FHIT: variants seen among roughly 807,000 people sequenced by gnomAD.
The protein encoded by FHIT is bis(5'-adenosyl)-triphosphatase.
FHIT carries 19 observed loss-of-function variants against 17.9 expected under a neutral mutation model. The ratio of observed to expected loss-of-function variants is 1.06; its 90% confidence interval spans 0.74 to 1.56. The LOEUF (loss-of-function observed/expected upper bound fraction) is 1.56. FHIT is among the 40% of genes most tolerant of loss of function. FHIT has a pLI of 0.00. For missense variants in FHIT, 248 were observed against 189.2 expected (o/e 1.31, Z -1.82); for synonymous variants, 81 against 69.7 (o/e 1.16, Z -0.81).
intron 5 of FHIT, among the ~76,000 whole-genome samples, chr3:60,296,367 C>T (rs1470031744): frequency 5.3e-5 from 8 of 152,094 alleles, no homozygotes; most frequent in African/African-American, 1.7e-4. Context: ...ACTTGTCACT[C>T]TCATAGATGT....
chr3:60,013,855 G>C, intron 6 of FHIT, 152 bp downstream of exon 6: 1 of 738,384 alleles, frequency 1.4e-6, no homozygotes, highest in Non-Finnish European at 2.2e-6. Context: ...ATGGACAGTA[G>C]GGTTGCCCTG....
At chr3:60,990,705 G>A (rs1011774097) in intron 3 of FHIT, among the ~76,000 whole-genome samples, 1 of 152,190 alleles carries the variant, frequency 6.6e-6, no homozygotes, top group Non-Finnish European at 1.5e-5. Context: ...CAATTCCCGC[G>A]ATTGCGAGCA....
At chr3:60,252,759 G>A (rs1221767675) in intron 5 of FHIT, among the ~76,000 whole-genome samples, 1 of 152,016 alleles carries the variant, frequency 6.6e-6, no homozygotes, top group Non-Finnish European at 1.5e-5. Flanking sequence ...GGGAGGCCGA[G>A]GCCGGTGGAT....
intron 5 of FHIT, among the ~76,000 whole-genome samples, chr3:60,520,245 T>C (rs961593106): frequency 2.6e-5 from 4 of 152,178 alleles, no homozygotes. Context: ...AGCTAGTTTT[T>C]TTTCAAATTG....
chr3:60,722,914 G>T (rs943754297), intron 4 of FHIT, among the ~76,000 whole-genome samples: 2 of 152,018 alleles, frequency 1.3e-5, no homozygotes, highest in Non-Finnish European at 2.9e-5. Context: ...AGTAGAGACT[G>T]GGTTTCACCA....
chr3:60,047,272 C>G (rs1412707261), intron 5 of FHIT, among the ~76,000 whole-genome samples: 1 of 152,172 alleles, frequency 6.6e-6, no homozygotes, highest in African/African-American at 2.4e-5. Flanking sequence ...AATGCTGGTT[C>G]TTTCTGAGGT....
chr3:60,122,524 G>C (rs1705307539), intron 5 of FHIT, among the ~76,000 whole-genome samples: 1 of 152,158 alleles, frequency 6.6e-6, no homozygotes, highest in Admixed American at 6.5e-5. Context: ...TAGGTAAACA[G>C]TGTCTAGCCA....
chr3:60,597,559 C>T (rs1370096390), intron 4 of FHIT, among the ~76,000 whole-genome samples: 1 of 152,074 alleles, frequency 6.6e-6, no homozygotes, highest in Non-Finnish European at 1.5e-5. Context: ...CCATCCAGCT[C>T]TTCATGAAAA....
chr3:60,029,885 G>GTCAT (rs1553655690), intron 5 of FHIT, among the ~76,000 whole-genome samples: 2 of 102,860 alleles, frequency 1.9e-5, no homozygotes, highest in Non-Finnish European at 4.4e-5. Flanking sequence ...AGCATTGTGT[G>GTCAT]TGTGTGTGTG....
At chr3:60,910,353 G>C (rs750873384) in intron 3 of FHIT, among the ~76,000 whole-genome samples, 19 of 151,654 alleles carry the variant, frequency 1.3e-4, no homozygotes, top group Non-Finnish European at 1.8e-4. Flanking sequence ...AGGGGGGTGA[G>C]AGCAGAGGCG....
chr3:60,694,699 T>G (rs2107893656), intron 4 of FHIT, among the ~76,000 whole-genome samples: 1 of 152,042 alleles, frequency 6.6e-6, no homozygotes. Context: ...ATTAAGAAAA[T>G]ATGGCACATA....
intron 4 of FHIT, among the ~76,000 whole-genome samples, chr3:60,647,570 A>G (rs1405507940): frequency 6.6e-6 from 1 of 152,128 alleles, no homozygotes; most frequent in Non-Finnish European, 1.5e-5. Context: ...GATCTGACAA[A>G]TGTTCAAAGG....
At chr3:60,582,680 G>A (rs530353756) in intron 4 of FHIT, among the ~76,000 whole-genome samples, 1 of 152,104 alleles carries the variant, frequency 6.6e-6, no homozygotes, top group East Asian at 1.9e-4. Context: ...GTTTATTTCT[G>A]TCTGCTAAAA....
At chr3:61,119,570 G>T (rs2036396978) in intron 2 of FHIT, among the ~76,000 whole-genome samples, 1 of 152,118 alleles carries the variant, frequency 6.6e-6, no homozygotes, top group Non-Finnish European at 1.5e-5. Flanking sequence ...CAGGTAGCTG[G>T]TAAAACATTG....
At chr3:59,767,869 A>G (rs1701879669) in intron 8 of FHIT, among the ~76,000 whole-genome samples, 1 of 152,174 alleles carries the variant, frequency 6.6e-6, no homozygotes. Context: ...CCCCCTCCTC[A>G]TATAACAATA....
At chr3:59,850,022 A>AT (rs1369106437) in intron 8 of FHIT, among the ~76,000 whole-genome samples, 1 of 152,144 alleles carries the variant, frequency 6.6e-6, no homozygotes, top group African/African-American at 2.4e-5. Context: ...AATTAGGTAT[A>AT]TTTTTTCCAA....
intron 5 of FHIT, among the ~76,000 whole-genome samples, chr3:60,342,644 A>T (rs772694481): frequency 9.2e-5 from 14 of 152,236 alleles, no homozygotes; most frequent in Admixed American, 2.0e-4. Flanking sequence ...CTTAAAAGCA[A>T]CATGGAACAC....
chr3:60,420,935 C>A (rs557240152), intron 5 of FHIT, among the ~76,000 whole-genome samples: 2 of 152,184 alleles, frequency 1.3e-5, no homozygotes, highest in South Asian at 4.2e-4. Flanking sequence ...CTCTTCCTGG[C>A]CTCTCTTGCT....
chr3:59,965,465 C>G (rs17302837), intron 7 of FHIT, among the ~76,000 whole-genome samples: 6,284 of 152,196 alleles, frequency 0.041, 212 homozygotes, highest in Admixed American at 0.097. Context: ...TGTTGAGCAA[C>G]TTGAATTACT....
Sources: allele counts gnomAD v4.1 joint callset (sites outside exome capture counted in the v4.1 genomes callset), GRCh38; gene constraint gnomAD v4.1.1; transcripts MANE v1.5; gene names NCBI Gene and HGNC (gene_info 2026-07-23, HGNC 2026-07-21).